SEMA5A: variants seen among roughly 807,000 people sequenced by gnomAD.
The protein encoded by SEMA5A is semaphorin-5A.
In SEMA5A, 55 loss-of-function variants were observed where a neutral mutation model predicts 135.5. The ratio of observed to expected loss-of-function variants is 0.41; its 90% confidence interval spans 0.33 to 0.51. The LOEUF is 0.51. Among genes scored for constraint, SEMA5A ranks in the 20% least tolerant of loss-of-function variants. The pLI is 0.37. For synonymous variants in SEMA5A, 580 were observed against 546.5 expected, an observed-to-expected ratio of 1.06 and a Z score of -0.85; for missense variants, 1,290 against 1,419.9, an observed-to-expected ratio of 0.91 and a Z score of 1.47.
intron 1 of SEMA5A, among the ~76,000 whole-genome samples, chr5:9,525,386 A>C (rs751067895): frequency 9.2e-5 from 14 of 152,254 alleles, no homozygotes; most frequent in Non-Finnish European, 1.8e-4. Flanking sequence ...TCAATGTAAA[A>C]GGAATCCTTA....
intron 1 of SEMA5A, among the ~76,000 whole-genome samples, chr5:9,468,851 A>T (rs1245394450): frequency 6.6e-6 from 1 of 152,236 alleles, no homozygotes; most frequent in Non-Finnish European, 1.5e-5. Context: ...AAATGGATTC[A>T]TACATATTTA....
rs1260138132 is a variant in SEMA5A, at chr5:9,118,980, A to G, written c.1925+18T>C. On this transcript the variant is annotated intron_variant, in intron 15 of 22. Transcript: ENST00000382496. ...TAAGCGTGAGGCTGGCGGTGCTGGC[A>G]GCAGGGTGGGCACGTACCTTTCCTC... The G allele has an allele frequency of 6.2e-7, 1 of 1,609,170 alleles. No individual in the cohort carries two copies. Among genetic ancestry groups the G allele is most frequent in the East Asian group, 2.2e-5 (1 of 44,778 alleles).
At chr5:9,532,725 G>C (rs1737525609) in intron 1 of SEMA5A, among the ~76,000 whole-genome samples, 1 of 152,202 alleles carries the variant, frequency 6.6e-6, no homozygotes. Flanking sequence ...GAGGGCAACT[G>C]TATCTTCCTT....
intron 5 of SEMA5A, among the ~76,000 whole-genome samples, chr5:9,285,516 A>C (rs1437946138): frequency 6.6e-6 from 1 of 152,250 alleles, no homozygotes; most frequent in Non-Finnish European, 1.5e-5. Context: ...CACATTGTTT[A>C]ACACAAACTA....
At position 9,180,151 on chromosome 5, in the gene SEMA5A, C is replaced by A. The variant is rs1744422617; in HGVS notation, c.1273+10116G>T. Among the ~76,000 whole-genome samples, 4 of 152,156 alleles carry A rather than the reference C, an allele frequency of 2.6e-5. No homozygotes were observed. The South Asian group carries it at 6.2e-4, about 24-fold the overall frequency. The stretch of plus-strand genomic sequence containing the variant: ...CACCAGTCATATTGGATTAAGGGTC[C>A]ACTGTACTCCAGTATGACTTCATCT... On this transcript the variant is annotated intron_variant, in intron 11 of 22. Coordinates refer to ENST00000382496, the MANE Select transcript of SEMA5A (RefSeq NM_003966.3).
At chr5:9,165,131 A>G (rs1168258432) in intron 11 of SEMA5A, among the ~76,000 whole-genome samples, 1 of 152,190 alleles carries the variant, frequency 6.6e-6, no homozygotes, top group Non-Finnish European at 1.5e-5. Flanking sequence ...TGAGCAATCA[A>G]AAAATACTCA....
intron 5 of SEMA5A, among the ~76,000 whole-genome samples, chr5:9,259,220 A>G (rs997672926): frequency 2.7e-4 from 41 of 152,226 alleles, no homozygotes; most frequent in African/African-American, 9.6e-4. Context: ...GAGAAATGCA[A>G]ACTGCTTCTG....
At position 9,119,094 on chromosome 5, in the gene SEMA5A, G is replaced by A; in HGVS notation, c.1829C>T (p.Thr610Ile). The change falls in exon 15 of 23, where the codon ACC becomes ATC. Residue 610 changes from threonine to isoleucine, a missense_variant. By Grantham distance (89) the Thr-to-Ile change is moderately conservative. Around this residue, in one of 3 missense-constraint regions of SEMA5A, gnomAD observed 1,029 missense variants for 1,086.6 expected, o/e 0.95. Coordinates refer to ENST00000382496, the MANE Select transcript of SEMA5A (RefSeq NM_003966.3). ...PWTSWSPCST[T>I]CGIGFQVRQR... ...CCGCACCTGGAAGCCGATCCCACAG[G>A]TAGTGCTGCAGGGAGACCACGAGGT... 1 of 1,613,944 alleles carries A rather than the reference G, an allele frequency of 6.2e-7. No individual in the cohort carries two copies. The highest frequency in any genetic ancestry group is 8.5e-7 in the Non-Finnish European group (1 of 1,179,980).
intron 4 of SEMA5A, among the ~76,000 whole-genome samples, chr5:9,335,343 C>T (rs1205730): frequency 0.79 from 120,217 of 152,136 alleles, 47,549 homozygotes; most frequent in South Asian, 0.81. Flanking sequence ...TCCCAGCTGC[C>T]ATCCACAGCC....
intron 5 of SEMA5A, among the ~76,000 whole-genome samples, chr5:9,296,598 A>T (rs552101534): frequency 7.0e-4 from 106 of 152,296 alleles, no homozygotes; most frequent in African/African-American, 2.5e-3. Context: ...TATGTATTTC[A>T]TACCTTTATG....
chr5:9,460,348 A>G (rs1459380777), intron 1 of SEMA5A, among the ~76,000 whole-genome samples: 1 of 150,496 alleles, frequency 6.6e-6, no homozygotes, highest in Non-Finnish European at 1.5e-5. Context: ...TACGTAGAAC[A>G]AAACAGTTTT....
chr5:9,418,255 C>T (rs1561236924), intron 2 of SEMA5A, among the ~76,000 whole-genome samples: 1 of 152,068 alleles, frequency 6.6e-6, no homozygotes, highest in Non-Finnish European at 1.5e-5. Context: ...GGATTACAGG[C>T]ATGAGCCACT....
intron 3 of SEMA5A, among the ~76,000 whole-genome samples, chr5:9,353,073 GGAAAGGAAAGGAAA>G (rs1229602977): frequency 4.1e-5 from 1 of 24,446 alleles, no homozygotes; most frequent in Non-Finnish European, 9.0e-5. Flanking sequence ...GGAAAGGAAA[GGAAAGGAAAGGAAA>G]GGAAAGGAAG....
intron 8 of SEMA5A, 136 bp from the exon 9 acceptor site, chr5:9,202,376 C>A: frequency 4.6e-6 from 3 of 657,296 alleles, no homozygotes; most frequent in South Asian, 7.0e-5. Flanking sequence ...TATTGGGAGG[C>A]CCCGTGAGCA....
At chr5:9,226,811 C>T in intron 7 of SEMA5A, 58 bp downstream of exon 7, 5 of 1,333,268 alleles carry the variant, frequency 3.8e-6, no homozygotes, top group East Asian at 2.4e-5. Flanking sequence ...AGTATTTTTA[C>T]ACAATGTTTT....
At chr5:9,057,400 T>A (rs1579315875) in intron 18 of SEMA5A, among the ~76,000 whole-genome samples, 1 of 152,218 alleles carries the variant, frequency 6.6e-6, no homozygotes, top group South Asian at 2.1e-4. Context: ...ACATAATATA[T>A]CCTGTGATAT....
At chr5:9,526,140 A>G (rs1384862906) in intron 1 of SEMA5A, among the ~76,000 whole-genome samples, 2 of 152,246 alleles carry the variant, frequency 1.3e-5, no homozygotes, top group Admixed American at 1.3e-4. Flanking sequence ...TGCATTGTAC[A>G]TCGAGCTGCA....
chr5:9,071,168 T>C (rs1432353145), intron 16 of SEMA5A, among the ~76,000 whole-genome samples: 7 of 152,328 alleles, frequency 4.6e-5, no homozygotes, highest in African/African-American at 1.4e-4. Context: ...CCACGTATTA[T>C]GTATTCCAGT....
chr5:9,283,442 G>A (rs1249148430), intron 5 of SEMA5A, among the ~76,000 whole-genome samples: 1 of 152,170 alleles, frequency 6.6e-6, no homozygotes, highest in Non-Finnish European at 1.5e-5. Flanking sequence ...CTTCTTCAAA[G>A]ACAACAGAAG....
Sources: gnomAD v4.1 joint callset for allele counts (sites outside exome capture counted in the v4.1 genomes callset) on GRCh38, gnomAD v4.1.1 for gene constraint, gnomAD v4.1.1 regional missense constraint, MANE v1.5 for transcripts, NCBI Gene and HGNC (gene_info 2026-07-23, HGNC 2026-07-21) for gene names.